C1QTNF3: variants seen among roughly 807,000 people sequenced by gnomAD.
The protein encoded by C1QTNF3 is complement C1q tumor necrosis factor-related protein 3.
In C1QTNF3, 26 loss-of-function variants were observed where a neutral mutation model predicts 32.6. The observed-to-expected ratio is 0.80, with a 90% CI of 0.58 to 1.11. The LOEUF (loss-of-function observed/expected upper bound fraction) is 1.11, where lower values mean the gene tolerates loss of function less well. C1QTNF3 is among the 50% of genes least tolerant of loss of function. The pLI is 0.00. For synonymous variants in C1QTNF3, 155 were observed against 146.0 expected, an observed-to-expected ratio of 1.06 and a Z score of -0.44; for missense variants, 362 against 398.2, an observed-to-expected ratio of 0.91 and a Z score of 0.77.
At chr5:34,048,976 T>C in the C1QTNF3 span, among the ~76,000 whole-genome samples, 1 of 152,230 alleles carries the variant, frequency 6.6e-6, no homozygotes, top group Non-Finnish European at 1.5e-5. Flanking sequence ...GTAAATTTTA[T>C]TCAGATCACT....
chr5:34,096,562 CAAT>C, the C1QTNF3 span, among the ~76,000 whole-genome samples: 1 of 134,890 alleles, frequency 7.4e-6, no homozygotes, highest in Non-Finnish European at 1.6e-5. Flanking sequence ...ATAATAATTA[CAAT>C]AATAACAAAT....
the C1QTNF3 span, among the ~76,000 whole-genome samples, chr5:34,069,435 C>T: frequency 6.6e-6 from 1 of 152,150 alleles, no homozygotes; most frequent in Admixed American, 6.5e-5. Context: ...GCTATACTAT[C>T]CCCTCTGTCA....
the C1QTNF3 span, among the ~76,000 whole-genome samples, chr5:34,222,352 G>C: frequency 6.6e-6 from 1 of 151,790 alleles, no homozygotes; most frequent in African/African-American, 2.4e-5. Flanking sequence ...TTTTTAGATT[G>C]TTTATAAGTT....
At chr5:34,074,988 TTGTC>T in the C1QTNF3 span, among the ~76,000 whole-genome samples, 34 of 151,752 alleles carry the variant, frequency 2.2e-4, no homozygotes, top group East Asian at 6.0e-3. Flanking sequence ...ATGTAATTGT[TTGTC>T]TGCATTCAAT....
At chr5:34,220,797 G>A in the C1QTNF3 span, among the ~76,000 whole-genome samples, 1 of 151,926 alleles carries the variant, frequency 6.6e-6, no homozygotes, top group East Asian at 1.9e-4. Flanking sequence ...ATCACCCATG[G>A]GAACAACCCC....
the C1QTNF3 span, among the ~76,000 whole-genome samples, chr5:34,212,466 C>T: frequency 6.6e-6 from 1 of 151,878 alleles, no homozygotes; most frequent in Non-Finnish European, 1.5e-5. Flanking sequence ...AGTGAACAGG[C>T]AACCTACAGA....
At chr5:34,035,209 C>A (rs1383169429) in intron 2 of C1QTNF3, among the ~76,000 whole-genome samples, 1 of 152,178 alleles carries the variant, frequency 6.6e-6, no homozygotes, top group Non-Finnish European at 1.5e-5. Context: ...CATACCACTA[C>A]ATGGTACTGG....
the C1QTNF3 span, among the ~76,000 whole-genome samples, chr5:34,146,853 A>G: frequency 6.6e-6 from 1 of 152,244 alleles, no homozygotes; most frequent in Non-Finnish European, 1.5e-5. Context: ...CAGAAAAATA[A>G]ACTATTTACA....
At chr5:34,197,613 G>T in the C1QTNF3 span, among the ~76,000 whole-genome samples, 1 of 152,080 alleles carries the variant, frequency 6.6e-6, no homozygotes, top group Non-Finnish European at 1.5e-5. Flanking sequence ...GGAAATGATG[G>T]ATTTGGGTAG....
chr5:34,143,178 C>G, the C1QTNF3 span, among the ~76,000 whole-genome samples: 2 of 152,156 alleles, frequency 1.3e-5, no homozygotes, highest in Non-Finnish European at 2.9e-5. Flanking sequence ...AGGAAAGAAT[C>G]TCAGAGCTCA....
intron 5 of C1QTNF3, among the ~76,000 whole-genome samples, chr5:34,021,352 G>T (rs1280824798): frequency 1.3e-5 from 2 of 152,170 alleles, no homozygotes; most frequent in African/African-American, 4.8e-5. Flanking sequence ...ATGCCTGTAG[G>T]GTAAGAAAGG....
At chr5:34,160,341 C>G in the C1QTNF3 span, among the ~76,000 whole-genome samples, 1 of 152,178 alleles carries the variant, frequency 6.6e-6, no homozygotes, top group African/African-American at 2.4e-5. Flanking sequence ...AAGGATATTG[C>G]CCCAAATGAA....
chr5:34,222,120 C>T, the C1QTNF3 span, among the ~76,000 whole-genome samples: 9 of 151,426 alleles, frequency 5.9e-5, no homozygotes, highest in African/African-American at 2.2e-4. Context: ...TTGTGATTAT[C>T]CAAATAAGTA....
At chr5:34,033,254 T>A (rs377382649) in intron 3 of C1QTNF3, 50 bp downstream of exon 3, 5 of 1,590,632 alleles carry the variant, frequency 3.1e-6, no homozygotes, top group Middle Eastern at 1.9e-4. Context: ...TGGCCCCTTT[T>A]GGTCAGGCAG....
the C1QTNF3 span, among the ~76,000 whole-genome samples, chr5:34,123,974 T>G: frequency 3.3e-5 from 5 of 152,214 alleles, no homozygotes; most frequent in Non-Finnish European, 7.3e-5. Flanking sequence ...CTAAAACTGA[T>G]AAGCCCATGT....
At chr5:34,238,765 ATG>A in the C1QTNF3 span, among the ~76,000 whole-genome samples, 1 of 152,116 alleles carries the variant, frequency 6.6e-6, no homozygotes, top group Non-Finnish European at 1.5e-5. Context: ...AGAGAGTGAC[ATG>A]TAAATCCAAA....
chr5:34,135,904 T>C, the C1QTNF3 span, among the ~76,000 whole-genome samples: 2 of 148,852 alleles, frequency 1.3e-5, no homozygotes, highest in Non-Finnish European at 3.0e-5. Flanking sequence ...CCCTATTTAA[T>C]AAATGGTGCT....
the C1QTNF3 span, among the ~76,000 whole-genome samples, chr5:34,084,804 TTTTTG>T: frequency 6.4e-4 from 76 of 118,602 alleles, 6 homozygotes; most frequent in Non-Finnish European, 6.8e-4. Context: ...TTTTTTGTTT[TTTTTG>T]TTTTTTTTCT....
At chr5:34,081,046 C>A in the C1QTNF3 span, among the ~76,000 whole-genome samples, 1 of 151,726 alleles carries the variant, frequency 6.6e-6, no homozygotes, top group Non-Finnish European at 1.5e-5. Flanking sequence ...CAACCTGCCT[C>A]TTTCCTTTTG....
Sources: gnomAD v4.1 joint callset for allele counts (sites outside exome capture counted in the v4.1 genomes callset) on GRCh38, gnomAD v4.1.1 for gene constraint, MANE v1.5 for transcripts, NCBI Gene and HGNC (gene_info 2026-07-23, HGNC 2026-07-21) for gene names.